SETD1B: variants seen among roughly 807,000 people sequenced by gnomAD.
SETD1B encodes SET domain containing 1B, histone lysine methyltransferase, also known as histone-lysine N-methyltransferase SETD1B.
SETD1B carries 7 observed loss-of-function variants against 148.0 expected under a neutral mutation model. The observed-to-expected ratio is 0.05, with a 90% CI of 0.03 to 0.09. The LOEUF (loss-of-function observed/expected upper bound fraction) is 0.09, where lower values mean the gene tolerates loss of function less well. SETD1B is among the 10% of genes least tolerant of loss of function. The pLI is 1.00. For synonymous variants in SETD1B, 1,361 were observed against 1,186.5 expected, an observed-to-expected ratio of 1.15 and a Z score of -3.02; for missense variants, 2,155 against 2,729.9, an observed-to-expected ratio of 0.79 and a Z score of 4.69.
Position 121,806,042 on chromosome 12 carries a change from G to A in SETD1B, c.481G>A (p.Val161Ile). The A allele has an allele frequency of 1.3e-6, 2 of 1,551,694 alleles. No individual in the cohort carries two copies. Among genetic ancestry groups the A allele is most frequent in the Non-Finnish European group, 1.7e-6 (2 of 1,147,000 alleles). ...CACGGTCCGGGGAGCCAAGGATGCC[G>A]TTCAGCACTTGCACAGCACTTCCGT... The part of the protein sequence containing the change: ...FATVRGAKDA[V>I]QHLHSTSVMG... Residue 161 changes from valine (V) to isoleucine (I), a missense_variant, in exon 4 of 17, where the codon GTT (valine) becomes ATT (isoleucine). By Grantham distance (29) the Val-to-Ile change is conservative. Transcript: ENST00000604567.
In SETD1B at chr12:121,822,761, T is replaced by G. The variant is rs1454473494; in HGVS notation, c.4182T>G (p.Ser1394Arg). Residue 1394 changes from serine (S) to arginine (R), a missense_variant, in exon 12 of 17, where the codon AGT (serine) becomes AGG (arginine). Ser to Arg is a moderately radical substitution (Grantham distance 110, BLOSUM62 -1). This residue lies in a region of SETD1B where 862 missense variants were observed against 873.8 expected (regional missense o/e 0.99). Coordinates refer to ENST00000604567, the MANE Select transcript of SETD1B (RefSeq NM_001353345.2). ...GGEPPLSGGS[S>R]GLSLSSPQVP... ...AGCCCCCGCTATCAGGGGGCAGCAG[T>G]GGCCTGTCCCTGAGCTCTCCGCAAG... The G allele has an allele frequency of 1.4e-5, 21 of 1,516,458 alleles. No individual in the cohort carries two copies. Among genetic ancestry groups the G allele is most frequent in the Non-Finnish European group, 1.8e-5 (20 of 1,125,044 alleles). The allele number at this position is 1,516,458 out of a possible 1,614,324, so 93.9% of individuals were successfully genotyped here. A position where few individuals can be genotyped will look rare whatever the true frequency, so the allele number is the denominator to read the frequency against.
At chr12:121,798,612 T>G in the SETD1B span, among the ~76,000 whole-genome samples, 3,202 of 152,338 alleles carry the variant, frequency 0.021, 55 homozygotes, top group African/African-American at 0.047. Context: ...CATGGCGAAC[T>G]ATCTCCCTTA....
chr12:121,817,919 C>A lies in SETD1B; in HGVS notation c.3418+15C>A. 6.6e-7 allele frequency: 1 copy of A among 1,522,078 alleles called. No individual in the cohort carries two copies. Among genetic ancestry groups the A allele is most frequent in the Non-Finnish European group, 8.8e-7 (1 of 1,131,354 alleles). The allele number at this position is 1,522,078 out of a possible 1,614,324, so 94.3% of individuals were successfully genotyped here. On this transcript the variant is annotated intron_variant, in intron 10 of 16. Transcript: ENST00000604567. The surrounding 1 kb of genome is among the most constrained non-coding windows in gnomAD (Gnocchi z 8.1). ...CTCGGATGAAGGTGAGCAGGGAGGC[C>A]GTGGCTGCCTGGCCCTCCCGGAGTC...
chr12:121,816,199 C>T (rs974133457), intron 7 of SETD1B, among the ~76,000 whole-genome samples: 1 of 152,080 alleles, frequency 6.6e-6, no homozygotes, highest in Admixed American at 6.6e-5. Context: ...CTTATTTTCT[C>T]CATAAGAGAG....
Position 121,805,079 on chromosome 12 carries a change from C to A in SETD1B, c.175-39C>A. On this transcript the variant is annotated intron_variant, in intron 2 of 16. Transcript: ENST00000604567. The surrounding 1 kb of genome is among the most constrained non-coding windows in gnomAD (Gnocchi z 4.2). ...AGGGGTCTGCCCATGGGGAGGGGGA[C>A]CAGTTCTCTCATCCCGGCCCCCCAA... 1 of 1,535,042 alleles carries A rather than the reference C, an allele frequency of 6.5e-7. No individual in the cohort carries two copies. The highest frequency in any genetic ancestry group is 8.8e-7 in the Non-Finnish European group (1 of 1,132,356).
rs1157490377 is a variant in SETD1B, at chr12:121,830,412, G to A, written c.*173G>A. The A allele has an allele frequency of 7.4e-5, 43 of 584,042 alleles. No individual in the cohort carries two copies. The East Asian group carries it at 8.5e-4, about 12-fold the overall frequency. The allele number at this position is 584,042 out of a possible 1,614,324, so 36.2% of individuals were successfully genotyped here. On this transcript the variant is annotated 3_prime_UTR_variant, in exon 17 of 17. Transcript: ENST00000604567. The surrounding 1 kb of genome is among the most constrained non-coding windows in gnomAD (Gnocchi z 5.7). ...ACTACCCCCTGGAGCCCCTGGCTCC[G>A]GCCCCTCCGCGGGAAAGGGCTTCTC...
In SETD1B at chr12:121,827,252, G is replaced by A. The variant is rs534251505; in HGVS notation, c.5338-267G>A. Among the ~76,000 whole-genome samples the A allele has an allele frequency of 6.6e-5, 10 of 152,258 alleles. No individual in the cohort carries two copies. In the South Asian group the frequency reaches 2.1e-3, roughly 32 times the overall value. On this transcript the variant is annotated intron_variant, in intron 13 of 16. Transcript: ENST00000604567. ...GGGTGAGAGCCAAGGAGGGGGTCAG[G>A]GTAGACAAAACTTTCGGCTGAAATG...
chr12:121,801,159 C>T (rs1269580834), upstream of SETD1B: 1 of 152,232 alleles, frequency 6.6e-6, no homozygotes, highest in Non-Finnish European at 1.5e-5. Flanking sequence ...GCCCCGGAGC[C>T]CCGAGAAGCC....
At position 121,828,069 on chromosome 12, in the gene SETD1B, A is replaced by G. The variant is rs1566561446; in HGVS notation, c.5726A>G (p.Asn1909Ser). 7 of 1,551,966 alleles carry G rather than the reference A, an allele frequency of 4.5e-6. No individual in the cohort carries two copies. Among genetic ancestry groups the G allele is most frequent in the African/African-American group, 1.4e-5 (1 of 73,074 alleles). ...NFARFINHSC[N>S]PNCYAKVITV... is the part of the protein sequence containing the mutation. ...GCGCGCTTCATCAACCACAGCTGCA[A>G]CGTGAGTGCCCAGCGGGGGGTGGCC... Residue 1909 changes from asparagine (N) to serine (S), a missense_variant and splice_region_variant, in exon 16 of 17, where the codon AAC (asparagine) becomes AGC (serine). Coordinates refer to ENST00000604567, the MANE Select transcript of SETD1B (RefSeq NM_001353345.2).
At chr12:121,797,830 A>C in the SETD1B span, 8 of 337,674 alleles carry the variant, frequency 2.4e-5, no homozygotes, top group Non-Finnish European at 2.9e-5. Context: ...TAGAAGGAGG[A>C]GGCTTTTGGG....
intron 16 of SETD1B, 71 bp downstream of exon 16, chr12:121,828,141 C>T: frequency 1.3e-6 from 2 of 1,523,158 alleles, no homozygotes; most frequent in Non-Finnish European, 1.8e-6. Flanking sequence ...CCAGGAGGGC[C>T]TGGAAGCCCC....
In SETD1B at chr12:121,830,442, G is replaced by A. The variant is rs1023808032; in HGVS notation, c.*203G>A. On this transcript the variant is annotated 3_prime_UTR_variant, in exon 17 of 17. Transcript: ENST00000604567. This position sits in a 1 kb window ranked among gnomAD's most constrained non-coding sequence, Gnocchi z 5.7. ...CTCCGCGGGAAAGGGCTTCTCTGTC[G>A]TTCAGCCCACGTCTCTCTCATTTTA... 3 of 536,092 alleles carry A rather than the reference G, an allele frequency of 5.6e-6. No homozygotes were observed. Among genetic ancestry groups the A allele is most frequent in the African/African-American group, 3.8e-5 (2 of 52,200 alleles). The allele number at this position is 536,092 out of a possible 1,614,324, so 33.2% of individuals were successfully genotyped here.
At chr12:121,797,520 G>A in the SETD1B span, 1 of 456,570 alleles carries the variant, frequency 2.2e-6, no homozygotes, top group South Asian at 1.5e-5. Flanking sequence ...GAGGGGTACA[G>A]TCCAGCCAGG....
rs945245681 is a variant in SETD1B at position 121,817,015 on chromosome 12, C to T, written c.2716-18C>T. The T allele has an allele frequency of 5.4e-6, 8 of 1,492,844 alleles. No individual in the cohort carries two copies. Among genetic ancestry groups the T allele is most frequent in the African/African-American group, 4.2e-5 (3 of 71,778 alleles). The allele number at this position is 1,492,844 out of a possible 1,614,324, so 92.5% of individuals were successfully genotyped here. A position where few individuals can be genotyped will look rare whatever the true frequency, so the allele number is the denominator to read the frequency against. On this transcript the variant is annotated intron_variant, in intron 7 of 16. Coordinates refer to ENST00000604567, the MANE Select transcript of SETD1B (RefSeq NM_001353345.2). This position sits in a 1 kb window ranked among gnomAD's most constrained non-coding sequence, Gnocchi z 8.1. ...TGGTGCCAGAAGCGGTGACGGTCCCCTCCTGTCTCCACCCCAGGCCTCGCT... is the reference window on the plus strand; with the variant it reads ...TGGTGCCAGAAGCGGTGACGGTCCCTTCCTGTCTCCACCCCAGGCCTCGCT...
chr12:121,819,478 G>C lies in SETD1B; in HGVS notation c.3493G>C (p.Glu1165Gln), dbSNP rs1876461047. ...SSESSESSEF[E>Q]SSSESSPSSS... The stretch of plus-strand genomic sequence containing the variant: ...TGAGAGTTCCGAGTCTTCTGAGTTT[G>C]AGTCAAGCTCCGAGTCCTCGCCCTC... Residue 1165 changes from glutamate (E) to glutamine (Q), a missense_variant, in exon 11 of 17, where the codon GAG (glutamate) becomes CAG (glutamine). By Grantham distance (29) the Glu-to-Gln change is conservative (BLOSUM62 2). This residue lies in a region of SETD1B where 862 missense variants were observed against 873.8 expected (regional missense o/e 0.99). Transcript: ENST00000604567. 6.4e-7 allele frequency: 1 copy of C among 1,552,262 alleles called. No individual in the cohort carries two copies. The highest frequency in any genetic ancestry group is 8.7e-7 in the Non-Finnish European group (1 of 1,147,124).
At chr12:121,791,279 C>A in the SETD1B span, among the ~76,000 whole-genome samples, 64 of 152,326 alleles carry the variant, frequency 4.2e-4, no homozygotes, top group African/African-American at 1.4e-3. Context: ...GTGCCCACCA[C>A]CACACCCAGC....
chr12:121,822,996 C>A lies in SETD1B; in HGVS notation c.4417C>A (p.Pro1473Thr). Residue 1473 changes from proline to threonine, a missense_variant, in exon 12 of 17, where the codon CCC becomes ACC. Physicochemically the swap from Pro to Thr is conservative, Grantham distance 38. Coordinates refer to ENST00000604567, the MANE Select transcript of SETD1B (RefSeq NM_001353345.2). Reference sequence around the variant, plus strand: ...CCCGGTGCTCCTGGAGACGGGCCTGCCCCTCCCTCTGCCCCTTCCCCTGCC... The same window carrying A: ...CCCGGTGCTCCTGGAGACGGGCCTGACCCTCCCTCTGCCCCTTCCCCTGCC... ...ASPVLLETGL[P>T]LPLPLPLPLP... 1 of 1,530,366 alleles carries A rather than the reference C, an allele frequency of 6.5e-7. No homozygotes were observed. The highest frequency in any genetic ancestry group is 8.8e-7 in the Non-Finnish European group (1 of 1,140,182). 94.8% of individuals were successfully genotyped at this position (1,530,366 alleles called of 1,614,324 possible).
chr12:121,828,517 T>G (rs1163349712), intron 16 of SETD1B, among the ~76,000 whole-genome samples: 2 of 152,238 alleles, frequency 1.3e-5, no homozygotes, highest in East Asian at 1.9e-4. Flanking sequence ...ATGTGCCCAG[T>G]GCATCTGGGG....
Position 121,817,387 on chromosome 12 carries a change from G to A in SETD1B, c.2995G>A (p.Asp999Asn). ...EEDEESERER[D>N]RDMADTPCEL... ...TCCTGCAGAGTCCGAGCGAGAGCGA[G>A]ACCGGGATATGGCAGACACCCCCTG... The change falls in exon 9 of 17, where the codon GAC (aspartate) becomes AAC (asparagine). Residue 999 changes from aspartate (D) to asparagine (N), a missense_variant. Around this residue, in one of 11 missense-constraint regions of SETD1B, gnomAD observed 289 missense variants for 423.7 expected, o/e 0.68. Coordinates refer to ENST00000604567, the MANE Select transcript of SETD1B (RefSeq NM_001353345.2). The surrounding 1 kb of genome is among the most constrained non-coding windows in gnomAD (Gnocchi z 8.1). The A allele has an allele frequency of 6.5e-7, 1 of 1,527,644 alleles. No individual in the cohort carries two copies. Among genetic ancestry groups the A allele is most frequent in the East Asian group, 2.5e-5 (1 of 40,570 alleles). The allele number at this position is 1,527,644 out of a possible 1,614,324, so 94.6% of individuals were successfully genotyped here.
Sources: allele counts gnomAD v4.1 joint callset (sites outside exome capture counted in the v4.1 genomes callset), GRCh38; gene constraint gnomAD v4.1.1; regional missense constraint gnomAD v4.1.1; non-coding constraint Gnocchi (gnomAD v3.1); transcripts MANE v1.5; gene names NCBI Gene and HGNC (gene_info 2026-07-23, HGNC 2026-07-21).